Variants in SLCO1A2 observed in about 807,000 individuals in gnomAD.
SLCO1A2 encodes solute carrier organic anion transporter family member 1A2.
A neutral mutation model predicts 69.0 loss-of-function variants in SLCO1A2; 67 were observed. That is an observed-to-expected ratio of 0.97 (90% CI 0.80 to 1.19). The LOEUF (loss-of-function observed/expected upper bound fraction) is 1.19. Ranked by LOEUF, SLCO1A2 falls within the 50% of genes most tolerant of loss-of-function variation. The pLI is 0.00. For synonymous variants in SLCO1A2, 260 were observed against 265.9 expected (o/e 0.98, Z 0.22); for missense variants, 787 against 793.7 (o/e 0.99, Z 0.10).
Position 21,274,521 on chromosome 12 carries a change from A to T in SLCO1A2, c.1741T>A (p.Leu581Met). 6.2e-7 allele frequency: 1 copy of T among 1,613,852 alleles called. No homozygotes were observed. The highest frequency in any genetic ancestry group is 8.5e-7 in the Non-Finnish European group (1 of 1,179,794). The change falls in exon 14 of 15, where the codon TTG becomes ATG. Residue 581 changes from leucine (L) to methionine (M), a missense_variant. Coordinates refer to ENST00000683939, the MANE Select transcript of SLCO1A2 (RefSeq NM_001386879.1). Reference protein sequence around the residue: ...MDSTCLHWGTLKCGESGACRI... With the variant: ...MDSTCLHWGTMKCGESGACRI... ...CATGCCCCTGACTCACCACATTTCA[A>T]AGTTCCCCAGTGTAAACATGTGGAA...
At chr12:21,348,488 G>T (rs1318306087) in intron 2 of SLCO1A2, among the ~76,000 whole-genome samples, 2 of 152,266 alleles carry the variant, frequency 1.3e-5, no homozygotes, top group Admixed American at 1.3e-4. Context: ...ATAAGTGGAA[G>T]AATATGTGAT....
chr12:21,329,956 C>G (rs1952499519), intron 2 of SLCO1A2, among the ~76,000 whole-genome samples: 1 of 151,756 alleles, frequency 6.6e-6, no homozygotes, highest in Admixed American at 6.6e-5. Context: ...CCAGATTAGT[C>G]TTACCCAAAA....
chr12:21,385,852 G>A (rs1174221764), intron 1 of SLCO1A2, among the ~76,000 whole-genome samples: 1 of 152,300 alleles, frequency 6.6e-6, no homozygotes, highest in East Asian at 1.9e-4. Context: ...TCTGAAAACA[G>A]TATTTGATCC....
At chr12:21,405,554 C>T (rs1423767590) in intron 1 of SLCO1A2, among the ~76,000 whole-genome samples, 1 of 152,152 alleles carries the variant, frequency 6.6e-6, no homozygotes, top group Non-Finnish European at 1.5e-5. Flanking sequence ...GTAACCAAAA[C>T]AGCATGGTAC....
At chr12:21,344,128 C>CATTGATCACCATTGTAACACCA (rs1953172603) in intron 2 of SLCO1A2, among the ~76,000 whole-genome samples, 1 of 152,050 alleles carries the variant, frequency 6.6e-6, no homozygotes, top group African/African-American at 2.4e-5. Context: ...TGACCATTTG[C>CATTGATCACCATTGTAACACCA]ATGTAGCATT....
intron 6 of SLCO1A2, 112 bp downstream of exon 6, chr12:21,304,315 G>T: frequency 1.2e-6 from 1 of 815,704 alleles, no homozygotes; most frequent in Non-Finnish European, 1.9e-6. Context: ...ACTGTGCCAA[G>T]ATACTCTACT....
intron 6 of SLCO1A2, among the ~76,000 whole-genome samples, chr12:21,302,334 G>A (rs1948813491): frequency 1.3e-5 from 2 of 151,844 alleles, no homozygotes; most frequent in Non-Finnish European, 2.9e-5. Flanking sequence ...GACATTGCTG[G>A]CCAACTCCTC....
intron 2 of SLCO1A2, among the ~76,000 whole-genome samples, chr12:21,353,622 A>G (rs548080155): frequency 6.6e-6 from 1 of 152,254 alleles, no homozygotes. Context: ...TCTCCTGTGG[A>G]CAACTTGGTT....
At position 21,350,835 on chromosome 12, in the gene SLCO1A2, CAAAAAAAAAAAAAAAAAAAAA is replaced by C. The variant is rs11454466; in HGVS notation, c.-62-16147_-62-16127del. Among the ~76,000 whole-genome samples the C allele has an allele frequency of 2.7e-4, 11 of 40,734 alleles. No individual in the cohort carries two copies. The Admixed American group carries it at 4.7e-3, about 17-fold the overall frequency. The allele number at this position is 40,734 out of a possible 152,430, so 26.7% of individuals were successfully genotyped here. ...CTGGTGACAGAGCAAGACTCTGTCT[CAAAAAAAAAAAAAAAAAAAAA>C]AAAAAAAAGTCATGTTTCTCTGGGA... On this transcript the variant is annotated intron_variant, in intron 2 of 15. Coordinates refer to the SLCO1A2 transcript ENST00000307378.
intron 2 of SLCO1A2, among the ~76,000 whole-genome samples, chr12:21,343,225 C>A (rs1953133322): frequency 6.6e-6 from 1 of 152,074 alleles, no homozygotes; most frequent in Non-Finnish European, 1.5e-5. Flanking sequence ...GACATGGTTG[C>A]CCATTTTCTC....
chr12:21,311,963 G>GAGAAGA (rs1018626520), intron 4 of SLCO1A2, among the ~76,000 whole-genome samples: 1 of 151,162 alleles, frequency 6.6e-6, no homozygotes, highest in Non-Finnish European at 1.5e-5. Context: ...GAATGAGAAG[G>GAGAAGA]AGAAGAAGAA....
At chr12:21,344,736 A>G (rs1285808049) in intron 2 of SLCO1A2, among the ~76,000 whole-genome samples, 1 of 152,090 alleles carries the variant, frequency 6.6e-6, no homozygotes, top group Non-Finnish European at 1.5e-5. Flanking sequence ...GCTCTATTCA[A>G]TGTTAACAAT....
chr12:21,331,293 AG>A (rs1403773746), intron 2 of SLCO1A2, among the ~76,000 whole-genome samples: 1 of 152,086 alleles, frequency 6.6e-6, no homozygotes, highest in Admixed American at 6.6e-5. Flanking sequence ...TGAAGGGGGA[AG>A]GAGAAATAGT....
upstream of SLCO1A2, among the ~76,000 whole-genome samples, chr12:21,339,149 T>C (rs1411124983): frequency 3.3e-5 from 5 of 152,042 alleles, no homozygotes; most frequent in Non-Finnish European, 5.9e-5. Flanking sequence ...TTACTACTCA[T>C]TTATTCTACA....
chr12:21,266,521 A>G lies in SLCO1A2; in HGVS notation c.*3027T>C, dbSNP rs1220404844. On this transcript the variant is annotated 3_prime_UTR_variant, in exon 15 of 15. Transcript: ENST00000683939. ...TATTTTTTCAATGTAGATAAATAAT[A>G]TTTATTTCATAATAATAAATGATTC... 6.6e-6 allele frequency: 1 copy of G among 152,098 alleles called. No homozygotes were observed. Among genetic ancestry groups the G allele is most frequent in the Non-Finnish European group, 1.5e-5 (1 of 68,012 alleles). The allele number at this position is 152,098 out of a possible 1,614,324, so 9.4% of individuals were successfully genotyped here. A position where few individuals can be genotyped will look rare whatever the true frequency, so the allele number is the denominator to read the frequency against.
chr12:21,402,045 G>A (rs547078289), intron 1 of SLCO1A2, among the ~76,000 whole-genome samples: 218 of 150,996 alleles, frequency 1.4e-3, no homozygotes, highest in Non-Finnish European at 2.2e-3. Context: ...AAAGAGCAAT[G>A]GATTAGGGAT....
chr12:21,341,873 A>G (rs1953080218), intron 2 of SLCO1A2, among the ~76,000 whole-genome samples: 1 of 152,018 alleles, frequency 6.6e-6, no homozygotes, highest in Non-Finnish European at 1.5e-5. Flanking sequence ...CTACTTTGGG[A>G]CGAGTAAATA....
At chr12:21,339,753 C>G (rs1445771813), upstream of SLCO1A2, among the ~76,000 whole-genome samples, 1 of 151,852 alleles carries the variant, frequency 6.6e-6, no homozygotes, top group African/African-American at 2.4e-5. Flanking sequence ...CTTGCTTTCC[C>G]CTTCTCCACA....
intron 2 of SLCO1A2, among the ~76,000 whole-genome samples, chr12:21,326,255 T>A (rs1395639995): frequency 1.3e-5 from 2 of 152,174 alleles, no homozygotes; most frequent in African/African-American, 4.8e-5. Context: ...TTTTTCTTTA[T>A]AAATTACCCA....
Sources: gnomAD v4.1 joint callset for allele counts (sites outside exome capture counted in the v4.1 genomes callset) on GRCh38, gnomAD v4.1.1 for gene constraint, MANE v1.5 for transcripts, NCBI Gene and HGNC (gene_info 2026-07-23, HGNC 2026-07-21) for gene names.